Variants in SDHAF2 observed in about 807,000 individuals in gnomAD.
SDHAF2 encodes the protein succinate dehydrogenase complex assembly factor 2, also known as succinate dehydrogenase assembly factor 2, mitochondrial.
SDHAF2 carries 21 observed loss-of-function variants against 18.5 expected under a neutral mutation model. That is an observed-to-expected ratio of 1.13 (90% CI 0.80 to 1.63). The LOEUF (loss-of-function observed/expected upper bound fraction) is 1.63. Among genes scored for constraint, SDHAF2 ranks in the 40% most tolerant of loss-of-function variants. SDHAF2 has a pLI of 0.00. For missense variants in SDHAF2, 195 were observed against 200.3 expected (o/e 0.97, Z 0.16); for synonymous variants, 84 against 70.7 (o/e 1.19, Z -0.94).
At chr11:61,441,017 A>G (rs765886047) in intron 3 of SDHAF2, among the ~76,000 whole-genome samples, 2 of 152,134 alleles carry the variant, frequency 1.3e-5, no homozygotes, top group East Asian at 3.9e-4. Context: ...CCTGGGCAAC[A>G]TAGACCCCCT....
rs1175123908 is a variant in SDHAF2, at chr11:61,437,605, T to C, written c.37-20T>C. The C allele has an allele frequency of 1.3e-6, 2 of 1,578,532 alleles. No homozygotes were observed. The highest frequency in any genetic ancestry group is 1.7e-4 in the Middle Eastern group (1 of 6,010). On this transcript the variant is annotated intron_variant, in intron 1 of 3. Coordinates refer to ENST00000301761, the MANE Select transcript of SDHAF2 (RefSeq NM_017841.4). ...ATAGTCGTCATTATTGTAAAGATGT[T>C]TGTGGTTTGTTCATTTCAGATGCTT...
At position 61,438,089 on chromosome 11, in the gene SDHAF2, T is replaced by G; in HGVS notation, c.346T>G (p.Trp116Gly). 1 of 1,613,654 alleles carries G rather than the reference T, an allele frequency of 6.2e-7. No homozygotes were observed. The highest frequency in any genetic ancestry group is 8.5e-7 in the Non-Finnish European group (1 of 1,179,582). The change falls in exon 3 of 4, where the codon TGG (tryptophan) becomes GGG (glycine). Residue 116 changes from tryptophan (W) to glycine (G), a missense_variant. Trp to Gly is a radical substitution (Grantham distance 184, BLOSUM62 -2). Transcript: ENST00000301761. ...DRLINEPSND[W>G]DIYYWATEAK... Reference sequence around the variant, plus strand: ...CCTGATTAACGAGCCTAGTAATGACTGGGATATTTACTACTGGGCCACAGG... The same window carrying G: ...CCTGATTAACGAGCCTAGTAATGACGGGGATATTTACTACTGGGCCACAGG...
chr11:61,445,263 G>A (rs1272751065), intron 3 of SDHAF2, among the ~76,000 whole-genome samples: 2 of 151,984 alleles, frequency 1.3e-5, no homozygotes, highest in African/African-American at 4.8e-5. Context: ...AAGGTCAGGG[G>A]GAGCAGCACA....
rs1182367873 is a variant in SDHAF2 at position 61,437,612 on chromosome 11, T to A, written c.37-13T>A. The stretch of plus-strand genomic sequence containing the variant: ...TCATTATTGTAAAGATGTTTGTGGT[T>A]TGTTCATTTCAGATGCTTGCTCTGT... On this transcript the variant is annotated splice_polypyrimidine_tract_variant and intron_variant, in intron 1 of 3. Transcript: ENST00000301761. 1 of 1,602,742 alleles carries A rather than the reference T, an allele frequency of 6.2e-7. No individual in the cohort carries two copies. Among genetic ancestry groups the A allele is most frequent in the Admixed American group, 1.7e-5 (1 of 60,000 alleles).
intron 1 of SDHAF2, chr11:61,431,496 T>G (rs1240867895): frequency 6.6e-6 from 1 of 152,192 alleles, no homozygotes; most frequent in Non-Finnish European, 1.5e-5. Context: ...TTTCTAATTT[T>G]CCTTTTGATG....
Position 61,437,881 on chromosome 11 carries a change from G to A in SDHAF2, c.260+33G>A, listed in dbSNP as rs761478064. 6.6e-5 allele frequency: 106 copies of A among 1,599,134 alleles called. No individual in the cohort carries two copies. In the South Asian group the frequency reaches 1.1e-3, roughly 17 times the overall value. Reference sequence around the variant, plus strand: ...ACTAGGAGTCTTTTTTTTTAAATCGGGCAGCTTCCTGAGCCAGAGTAGGTT... The same window carrying A: ...ACTAGGAGTCTTTTTTTTTAAATCGAGCAGCTTCCTGAGCCAGAGTAGGTT... On this transcript the variant is annotated intron_variant, in intron 2 of 3. Coordinates refer to ENST00000301761, the MANE Select transcript of SDHAF2 (RefSeq NM_017841.4).
At chr11:61,431,917 C>G (rs1459408391) in intron 1 of SDHAF2, 1 of 152,216 alleles carries the variant, frequency 6.6e-6, no homozygotes, top group Non-Finnish European at 1.5e-5. Context: ...GTCTCGATCT[C>G]CTGACCTCGT....
intron 3 of SDHAF2, among the ~76,000 whole-genome samples, chr11:61,441,777 T>G (rs1188811961): frequency 6.6e-6 from 1 of 152,160 alleles, no homozygotes; most frequent in Non-Finnish European, 1.5e-5. Context: ...TAGTTTTAAT[T>G]GGCATGTCCC....
At chr11:61,438,225 G>GT in intron 3 of SDHAF2, 112 bp downstream of exon 3, 2 of 828,512 alleles carry the variant, frequency 2.4e-6, no homozygotes, top group Non-Finnish European at 4.0e-6. Flanking sequence ...TTGAGACTGA[G>GT]TTTCACTCTC....
chr11:61,438,095 A>AT lies in SDHAF2; in HGVS notation c.355dup (p.Tyr119LeufsTer8), dbSNP rs1456129845. On this transcript the variant is annotated frameshift_variant, in exon 3 of 4. Coordinates refer to ENST00000301761, the MANE Select transcript of SDHAF2 (RefSeq NM_017841.4). LOFTEE classifies it high-confidence loss of function. Reference sequence around the variant, plus strand: ...TAACGAGCCTAGTAATGACTGGGATATTTACTACTGGGCCACAGGTACTGG... The same window carrying AT: ...TAACGAGCCTAGTAATGACTGGGATATTTTACTACTGGGCCACAGGTACTGG... The AT allele has an allele frequency of 8.7e-6, 14 of 1,612,996 alleles. No homozygotes were observed. Among genetic ancestry groups the AT allele is most frequent in the African/African-American group, 2.7e-5 (2 of 74,864 alleles).
chr11:61,435,821 C>T (rs973160001), intron 1 of SDHAF2: 2 of 152,168 alleles, frequency 1.3e-5, no homozygotes, highest in African/African-American at 4.8e-5. Context: ...TGGTAGCTTC[C>T]CCAAAGGACA....
intron 1 of SDHAF2, 132 bp from the exon 2 acceptor site, chr11:61,437,493 C>A: frequency 1.2e-6 from 1 of 859,726 alleles, no homozygotes. Context: ...TGCGCCACCA[C>A]GCCTGGCCAG....
intron 3 of SDHAF2, among the ~76,000 whole-genome samples, chr11:61,440,359 G>A (rs1056587732): frequency 3.3e-5 from 5 of 151,976 alleles, no homozygotes; most frequent in Admixed American, 3.3e-4. Context: ...CAGCACTTTG[G>A]GAGGTCGAGG....
intron 3 of SDHAF2, among the ~76,000 whole-genome samples, chr11:61,440,095 A>C (rs1778392588): frequency 6.6e-6 from 1 of 152,186 alleles, no homozygotes; most frequent in Non-Finnish European, 1.5e-5. Context: ...CAGGTGGATC[A>C]CTTGAGGCCA....
chr11:61,430,830 T>C (rs1307908530), intron 1 of SDHAF2: 1 of 152,128 alleles, frequency 6.6e-6, no homozygotes, highest in Non-Finnish European at 1.5e-5. Flanking sequence ...TATCTTCCCC[T>C]CCTACCCCCA....
chr11:61,446,127 A>G lies in SDHAF2; in HGVS notation c.*56A>G. ...AGTCTGTGGATGGTAACTACTTATG[A>G]TGGACGTTAGCCTTGCTTCCGGCTT... On this transcript the variant is annotated 3_prime_UTR_variant, in exon 4 of 4. Transcript: ENST00000301761. 1 of 1,606,392 alleles carries G rather than the reference A, an allele frequency of 6.2e-7. No individual in the cohort carries two copies. Among genetic ancestry groups the G allele is most frequent in the South Asian group, 1.1e-5 (1 of 90,930 alleles).
chr11:61,430,262 T>G, intron 1 of SDHAF2, 80 bp downstream of exon 1: 2 of 1,579,838 alleles, frequency 1.3e-6, no homozygotes, highest in Non-Finnish European at 1.7e-6. Context: ...GTCTCTATCT[T>G]GGGGAGAGTT....
At chr11:61,443,061 A>G (rs566172377) in intron 3 of SDHAF2, among the ~76,000 whole-genome samples, 1 of 152,136 alleles carries the variant, frequency 6.6e-6, no homozygotes, top group East Asian at 1.9e-4. Context: ...AGTCTGTCCA[A>G]CAGCTTTTGG....
chr11:61,446,346 A>G lies in SDHAF2; in HGVS notation c.*275A>G. On this transcript the variant is annotated 3_prime_UTR_variant, in exon 4 of 4. Transcript: ENST00000301761. ...TGCCTGGCTGCTATCTCTAGAGGCAAGTCTGCCACGAGAGGGCACTGCAGG... is the reference window on the plus strand; with the variant it reads ...TGCCTGGCTGCTATCTCTAGAGGCAGGTCTGCCACGAGAGGGCACTGCAGG... The G allele has an allele frequency of 1.7e-6, 1 of 601,702 alleles. No homozygotes were observed. The highest frequency in any genetic ancestry group is 3.0e-6 in the Non-Finnish European group (1 of 337,942). The allele number at this position is 601,702 out of a possible 1,614,324, so 37.3% of individuals were successfully genotyped here.
Sources: allele counts gnomAD v4.1 joint callset (sites outside exome capture counted in the v4.1 genomes callset), GRCh38; gene constraint gnomAD v4.1.1; transcripts MANE v1.5; gene names NCBI Gene and HGNC (gene_info 2026-07-23, HGNC 2026-07-21).